KLHDC3: variants seen among roughly 807,000 people sequenced by gnomAD.
KLHDC3 encodes the protein kelch domain containing 3.
In KLHDC3, 5 loss-of-function variants were observed where a neutral mutation model predicts 44.1. That is an observed-to-expected ratio of 0.11 (90% CI 0.06 to 0.24). The LOEUF is 0.24. KLHDC3 is among the 10% of genes least tolerant of loss of function. KLHDC3 has a pLI of 1.00. For missense variants in KLHDC3, 247 were observed against 514.3 expected (o/e 0.48, Z 5.03); for synonymous variants, 170 against 189.0 (o/e 0.90, Z 0.82).
chr6:43,016,185 G>A (rs548435970), intron 1 of KLHDC3, among the ~76,000 whole-genome samples: 39 of 151,902 alleles, frequency 2.6e-4, no homozygotes, highest in Admixed American at 3.3e-4. Context: ...CACCTGCCTC[G>A]GCCTCTCAGG....
chr6:43,014,685 A>G, intron 1 of KLHDC3: 1 of 453,808 alleles, frequency 2.2e-6, no homozygotes, highest in Non-Finnish European at 4.4e-6. Context: ...AGACAGGGAT[A>G]GAGTCATATG....
intron 10 of KLHDC3, among the ~76,000 whole-genome samples, chr6:43,020,053 G>A (rs1762655161): frequency 6.6e-6 from 1 of 152,188 alleles, no homozygotes; most frequent in Admixed American, 6.5e-5. Context: ...GCAGCCACCA[G>A]TAGTCCCAGC....
Position 43,017,135 on chromosome 6 carries a change from TAGC to T in KLHDC3, c.-55_-53del. On this transcript the variant is annotated splice_region_variant and 5_prime_UTR_variant, in exon 2 of 11. Transcript: ENST00000326974. This position sits in a 1 kb window ranked among gnomAD's most constrained non-coding sequence, Gnocchi z 6.0. ...CCCGTGGCCCCAATTTGTGTGCAGA[TAGC>T]AGAGGCAGCAGGCCGTGCCGGGGGG... The T allele has an allele frequency of 6.4e-7, 1 of 1,572,162 alleles. No homozygotes were observed. The highest frequency in any genetic ancestry group is 1.7e-5 in the Admixed American group (1 of 58,252).
In KLHDC3 at chr6:43,019,334, C is replaced by T. The variant is rs34650379; in HGVS notation, c.1050C>T (p.Asn350=). 7,688 of 1,613,726 alleles carry T rather than the reference C, an allele frequency of 4.8e-3. 290 individuals carry two copies. In the African/African-American group the frequency reaches 0.087, roughly 18 times the overall value. ...TLCKLAVIQY[N]LDQSCLPHDI... is the part of the protein sequence containing the mutation. Reference sequence around the variant, plus strand: ...GCAAACTGGCCGTGATTCAGTATAACCTAGACCAGTCCTGTTTGCCTCATG... The same window carrying T: ...GCAAACTGGCCGTGATTCAGTATAATCTAGACCAGTCCTGTTTGCCTCATG... The change falls in exon 10 of 11, where the codon AAC becomes AAT. Residue 350 remains asparagine, a synonymous_variant. Transcript: ENST00000326974.
chr6:43,021,208 AG>A lies in KLHDC3; in HGVS notation c.*476del, dbSNP rs1762690140. The A allele has an allele frequency of 2.4e-5, 10 of 415,148 alleles. No individual in the cohort carries two copies. Among genetic ancestry groups the A allele is most frequent in the Non-Finnish European group, 4.4e-5 (9 of 206,594 alleles). The allele number at this position is 415,148 out of a possible 1,614,324, so 25.7% of individuals were successfully genotyped here. On this transcript the variant is annotated 3_prime_UTR_variant, in exon 11 of 11. Transcript: ENST00000326974. ...CCGTCTTGGGGAGGTGGGGACCAGCAGATAAATCCCACCCTTCCTTGAGCTG... is the reference window on the plus strand; with the variant it reads ...CCGTCTTGGGGAGGTGGGGACCAGCAATAAATCCCACCCTTCCTTGAGCTG...
chr6:43,020,808 C>A lies in KLHDC3; in HGVS notation c.*75C>A. 8.8e-7 allele frequency: 1 copy of A among 1,138,894 alleles called. No individual in the cohort carries two copies. Among genetic ancestry groups the A allele is most frequent in the Non-Finnish European group, 1.3e-6 (1 of 748,086 alleles). The allele number at this position is 1,138,894 out of a possible 1,614,324, so 70.5% of individuals were successfully genotyped here. A position where few individuals can be genotyped will look rare whatever the true frequency, so the allele number is the denominator to read the frequency against. ...CCCCTGCCCATCTGTCACCCACCTG[C>A]TCCTTTGACCCCTGGACTTGGTATA... On this transcript the variant is annotated 3_prime_UTR_variant, in exon 11 of 11. Transcript: ENST00000326974.
Position 43,017,122 on chromosome 6 carries a change from A to G in KLHDC3, c.-59-12A>G, listed in dbSNP as rs540848388. The G allele has an allele frequency of 6.1e-5, 94 of 1,544,310 alleles. No homozygotes were observed. In the African/African-American group the frequency reaches 1.1e-3, roughly 18 times the overall value. On this transcript the variant is annotated splice_polypyrimidine_tract_variant and intron_variant, in intron 1 of 10. Transcript: ENST00000326974. This position sits in a 1 kb window ranked among gnomAD's most constrained non-coding sequence, Gnocchi z 6.0. ...CTCGCCTGAGGATCCCGTGGCCCCA[A>G]TTTGTGTGCAGATAGCAGAGGCAGC...
rs977722414 is a variant in KLHDC3 at position 43,021,184 on chromosome 6, C to G, written c.*451C>G. The G allele has an allele frequency of 4.5e-6, 2 of 443,506 alleles. No homozygotes were observed. Among genetic ancestry groups the G allele is most frequent in the Non-Finnish European group, 9.1e-6 (2 of 220,350 alleles). 27.5% of individuals were successfully genotyped at this position (443,506 alleles called of 1,614,324 possible). ...TGTTGGCATGAGACCTCCTTCTCCC[C>G]GTCTTGGGGAGGTGGGGACCAGCAG... is the stretch of plus-strand genomic sequence containing the variant. On this transcript the variant is annotated 3_prime_UTR_variant, in exon 11 of 11. Coordinates refer to ENST00000326974, the MANE Select transcript of KLHDC3 (RefSeq NM_057161.4).
In KLHDC3 at chr6:43,018,244, C is replaced by T. The variant is rs1581877943; in HGVS notation, c.519+28C>T. ...CTGCTCTTTCTTTTTTTTCCCAAAT[C>T]CCCACCCTCTGTTGAAGCAATGATA... On this transcript the variant is annotated intron_variant, in intron 5 of 10. Transcript: ENST00000326974. This position sits in a 1 kb window ranked among gnomAD's most constrained non-coding sequence, Gnocchi z 6.0. 1.3e-6 allele frequency: 2 copies of T among 1,582,942 alleles called. No homozygotes were observed. The highest frequency in any genetic ancestry group is 1.7e-5 in the Admixed American group (1 of 59,964).
In KLHDC3 at chr6:43,017,037, G is replaced by T. The variant is rs1762595370; in HGVS notation, c.-59-97G>T. 2 of 836,532 alleles carry T rather than the reference G, an allele frequency of 2.4e-6. No individual in the cohort carries two copies. Among genetic ancestry groups the T allele is most frequent in the Non-Finnish European group, 3.8e-6 (2 of 527,502 alleles). 51.8% of individuals were successfully genotyped at this position (836,532 alleles called of 1,614,324 possible). A position where few individuals can be genotyped will look rare whatever the true frequency, so the allele number is the denominator to read the frequency against. On this transcript the variant is annotated intron_variant, in intron 1 of 10. Coordinates refer to ENST00000326974, the MANE Select transcript of KLHDC3 (RefSeq NM_057161.4). The surrounding 1 kb of genome is among the most constrained non-coding windows in gnomAD (Gnocchi z 6.0). ...GAGGGGTAGTGTGGGAGGGCCCCCA[G>T]GGTGACACTTGGAGGCAAAGGCTGG...
Position 43,017,161 on chromosome 6 carries a change from G to T in KLHDC3, c.-32G>T, listed in dbSNP as rs1241513167. 6.2e-7 allele frequency: 1 copy of T among 1,601,448 alleles called. No homozygotes were observed. Among genetic ancestry groups the T allele is most frequent in the South Asian group, 1.1e-5 (1 of 90,340 alleles). ...AGCAGAGGCAGCAGGCCGTGCCGGG[G>T]GGGCATGTTGCTGTAACCAGTGGCC... On this transcript the variant is annotated 5_prime_UTR_variant, in exon 2 of 11. Transcript: ENST00000326974. The surrounding 1 kb of genome is among the most constrained non-coding windows in gnomAD (Gnocchi z 6.0).
At chr6:43,019,441 T>C in intron 10 of KLHDC3, 75 bp downstream of exon 10, 1 of 1,008,600 alleles carries the variant, frequency 9.9e-7, no homozygotes, top group Non-Finnish European at 1.6e-6. Flanking sequence ...ATTAGCTTGG[T>C]TTCAGTATGG....
In KLHDC3 at chr6:43,021,046, A is replaced by T. The variant is rs746352467; in HGVS notation, c.*313A>T. The T allele has an allele frequency of 3.7e-6, 2 of 538,956 alleles. No homozygotes were observed. Among genetic ancestry groups the T allele is most frequent in the South Asian group, 3.1e-5 (2 of 65,322 alleles). The allele number at this position is 538,956 out of a possible 1,614,324, so 33.4% of individuals were successfully genotyped here. ...GCTGGGAAGGGAAGGGAATGGGGAG[A>T]AGGGAGAAGCAAGCAGTGTCTGAGC... On this transcript the variant is annotated 3_prime_UTR_variant, in exon 11 of 11. Transcript: ENST00000326974.
chr6:43,017,212 A>G lies in KLHDC3; in HGVS notation c.20A>G (p.His7Arg). ...CAGGGGATGTTACGGTGGACAGTGCACCTGGAGGGCGGGCCCCGCAGGGTG... is the reference window on the plus strand; with the variant it reads ...CAGGGGATGTTACGGTGGACAGTGCGCCTGGAGGGCGGGCCCCGCAGGGTG... The part of the protein sequence containing the change: MLRWTV[H>R]LEGGPRRVNH... The change falls in exon 2 of 11, where the codon CAC becomes CGC. Residue 7 changes from histidine (H) to arginine (R), a missense_variant. By Grantham distance (29) the His-to-Arg change is conservative. Transcript: ENST00000326974. This position sits in a 1 kb window ranked among gnomAD's most constrained non-coding sequence, Gnocchi z 6.0. 2 of 1,613,704 alleles carry G rather than the reference A, an allele frequency of 1.2e-6. No individual in the cohort carries two copies. Among genetic ancestry groups the G allele is most frequent in the Non-Finnish European group, 1.7e-6 (2 of 1,179,946 alleles).
Position 43,021,054 on chromosome 6 carries a change from A to G in KLHDC3, c.*321A>G. ...GGGAAGGGAATGGGGAGAAGGGAGA[A>G]GCAAGCAGTGTCTGAGCCTCAGGAG... On this transcript the variant is annotated 3_prime_UTR_variant, in exon 11 of 11. Coordinates refer to ENST00000326974, the MANE Select transcript of KLHDC3 (RefSeq NM_057161.4). 1 of 525,898 alleles carries G rather than the reference A, an allele frequency of 1.9e-6. No homozygotes were observed. Among genetic ancestry groups the G allele is most frequent in the Non-Finnish European group, 3.7e-6 (1 of 272,346 alleles). The allele number at this position is 525,898 out of a possible 1,614,324, so 32.6% of individuals were successfully genotyped here.
Position 43,020,659 on chromosome 6 carries a change from C to G in KLHDC3, c.1083-8C>G. 1 of 1,611,680 alleles carries G rather than the reference C, an allele frequency of 6.2e-7. No homozygotes were observed. The highest frequency in any genetic ancestry group is 8.5e-7 in the Non-Finnish European group (1 of 1,177,974). ...TCTTCTTTCTGTCTCTTATTGTTGG[C>G]CTTCCAGGTGGGAGCTGAATGCCAT... On this transcript the variant is annotated splice_polypyrimidine_tract_variant and splice_region_variant and intron_variant, in intron 10 of 10. Coordinates refer to ENST00000326974, the MANE Select transcript of KLHDC3 (RefSeq NM_057161.4).
rs561042959 is a variant in KLHDC3 at position 43,015,852 on chromosome 6, TAA to T, written c.-59-1262_-59-1261del. On this transcript the variant is annotated intron_variant, in intron 1 of 10. Transcript: ENST00000326974. ...CTGGGGGCAAGAGCGAGACTTCATC[TAA>T]AAAAAAAAAAAAAAAAAAAGACCAT... 3.7e-4 allele frequency among the ~76,000 whole-genome samples: 37 copies of T among 100,552 alleles called. 1 individual carries two copies. The highest frequency in any genetic ancestry group is 9.9e-4 in the East Asian group (3 of 3,036). 66.0% of individuals were successfully genotyped at this position (100,552 alleles called of 152,430 possible).
In KLHDC3 at chr6:43,021,008, C is replaced by T. The variant is rs955721305; in HGVS notation, c.*275C>T. On this transcript the variant is annotated 3_prime_UTR_variant, in exon 11 of 11. Transcript: ENST00000326974. ...TCCTGGGCCTCAGCTCTGCCCAGGG[C>T]CAGCCAGGTTCTGCTGGGAAGGGAA... 43 of 601,296 alleles carry T rather than the reference C, an allele frequency of 7.2e-5. No individual in the cohort carries two copies. Among genetic ancestry groups the T allele is most frequent in the South Asian group, 6.5e-4 (43 of 65,864 alleles). The allele number at this position is 601,296 out of a possible 1,614,324, so 37.2% of individuals were successfully genotyped here. A position where few individuals can be genotyped will look rare whatever the true frequency, so the allele number is the denominator to read the frequency against.
chr6:43,019,027 T>C lies in KLHDC3; in HGVS notation c.929+56T>C, dbSNP rs1581878797. 3.2e-6 allele frequency: 5 copies of C among 1,558,178 alleles called. No individual in the cohort carries two copies. In the Admixed American group the frequency reaches 8.4e-5, roughly 26 times the overall value. ...AAGTCACTAATGGGAGAGTGGGAGG[T>C]ATTTGAAAAGGGGGTTTCGTGGGTA... On this transcript the variant is annotated intron_variant, in intron 8 of 10. Coordinates refer to ENST00000326974, the MANE Select transcript of KLHDC3 (RefSeq NM_057161.4).
Sources: allele counts gnomAD v4.1 joint callset (sites outside exome capture counted in the v4.1 genomes callset), GRCh38; gene constraint gnomAD v4.1.1; non-coding constraint Gnocchi (gnomAD v3.1); transcripts MANE v1.5; gene names NCBI Gene and HGNC (gene_info 2026-07-23, HGNC 2026-07-21).